Variants in RGS6 observed in about 807,000 individuals in gnomAD.
The protein encoded by RGS6 is regulator of G protein signaling 6, also known as regulator of G-protein signaling 6.
Under a neutral mutation model 78.5 loss-of-function variants are expected in RGS6, and 30 were observed. The observed-to-expected ratio is 0.38, with a 90% CI of 0.29 to 0.52. RGS6 has a LOEUF of 0.52. Among genes scored for constraint, RGS6 ranks in the 20% least tolerant of loss-of-function variants. The pLI is 0.85. For missense variants in RGS6, 495 were observed against 609.7 expected (o/e 0.81, Z 1.98); for synonymous variants, 206 against 206.0 (o/e 1.00, Z 0.00).
chr14:72,562,560 G>T lies in RGS6; in HGVS notation c.*93G>T. On this transcript the variant is annotated 3_prime_UTR_variant, in exon 18 of 18. Coordinates refer to ENST00000553525, the MANE Select transcript of RGS6 (RefSeq NM_001204424.2). ...TGCGGACAGAGTTTCCTTACGAGGA[G>T]ACTTGGTCACTGTGAAGGAGAAAGA... 6.3e-7 allele frequency: 1 copy of T among 1,577,802 alleles called. No individual in the cohort carries two copies.
intron 6 of RGS6, among the ~76,000 whole-genome samples, chr14:72,464,439 A>G (rs1220965958): frequency 6.6e-6 from 1 of 152,230 alleles, no homozygotes; most frequent in Non-Finnish European, 1.5e-5. Flanking sequence ...AAGTGTGGGC[A>G]TACCAGAGGG....
chr14:72,014,508 C>G (rs779627395), intron 2 of RGS6, among the ~76,000 whole-genome samples: 4 of 152,148 alleles, frequency 2.6e-5, no homozygotes, highest in Non-Finnish European at 4.4e-5. Context: ...GCATCAAGTG[C>G]AACAACTGAG....
chr14:72,202,373 G>A (rs958368412), intron 2 of RGS6, among the ~76,000 whole-genome samples: 7 of 152,094 alleles, frequency 4.6e-5, no homozygotes, highest in African/African-American at 1.7e-4. Flanking sequence ...GTGCATTTCA[G>A]AGAAGTTTCT....
At chr14:72,112,969 A>G (rs1279693495) in intron 2 of RGS6, among the ~76,000 whole-genome samples, 5 of 152,208 alleles carry the variant, frequency 3.3e-5, no homozygotes, top group Non-Finnish European at 7.3e-5. Flanking sequence ...CAGTTCTCTT[A>G]TGGGTTGTCC....
intron 2 of RGS6, among the ~76,000 whole-genome samples, chr14:72,311,717 A>G (rs2068668397): frequency 6.6e-6 from 1 of 152,332 alleles, no homozygotes. Flanking sequence ...AAAGTGCTCC[A>G]TTCATTGTCA....
At chr14:72,112,120 G>A (rs951804700) in intron 2 of RGS6, among the ~76,000 whole-genome samples, 4 of 152,186 alleles carry the variant, frequency 2.6e-5, no homozygotes, top group African/African-American at 9.7e-5. Context: ...CACATTAGCA[G>A]ATGGTGGCAT....
intron 2 of RGS6, among the ~76,000 whole-genome samples, chr14:72,288,830 T>C (rs2063059555): frequency 6.6e-6 from 1 of 152,176 alleles, no homozygotes; most frequent in African/African-American, 2.4e-5. Context: ...TCTCACCCTG[T>C]CAGAAACATC....
intron 3 of RGS6, among the ~76,000 whole-genome samples, chr14:72,386,256 G>C (rs1596554810): frequency 6.6e-6 from 1 of 152,094 alleles, no homozygotes; most frequent in Admixed American, 6.5e-5. Flanking sequence ...CTATTTGGGG[G>C]GCCGGGTGTG....
chr14:72,554,913 C>A (rs2097550227), intron 17 of RGS6, among the ~76,000 whole-genome samples: 1 of 152,218 alleles, frequency 6.6e-6, no homozygotes, highest in Non-Finnish European at 1.5e-5. Context: ...TCCCACCATC[C>A]CTACCCAGCT....
intron 2 of RGS6, among the ~76,000 whole-genome samples, chr14:72,016,434 C>T (rs2153233743): frequency 6.6e-6 from 1 of 152,128 alleles, no homozygotes; most frequent in East Asian, 1.9e-4. Context: ...GGCTTGATCT[C>T]AGCTCACTGC....
intron 2 of RGS6, among the ~76,000 whole-genome samples, chr14:72,213,399 C>T (rs903620556): frequency 4.6e-5 from 7 of 152,134 alleles, no homozygotes; most frequent in South Asian, 2.1e-4. Context: ...TCACCTATGA[C>T]GAGGCCAGAC....
rs567732771 is a variant in RGS6, at chr14:72,324,398, G to A, written c.85-27697G>A. Among the ~76,000 whole-genome samples, 30 of 152,046 alleles carry A rather than the reference G, an allele frequency of 2.0e-4. No individual in the cohort carries two copies. In the East Asian group the frequency reaches 5.6e-3, roughly 28 times the overall value. On this transcript the variant is annotated intron_variant, in intron 2 of 17. Transcript: ENST00000553525. The stretch of plus-strand genomic sequence containing the variant: ...TTAATTTAAGTTCTAGGGTACATGT[G>A]CACAACGTGCATGTTTGTTACATAT...
chr14:72,174,021 G>C (rs2097067336), intron 2 of RGS6, among the ~76,000 whole-genome samples: 2 of 152,256 alleles, frequency 1.3e-5, no homozygotes, highest in South Asian at 2.1e-4. Context: ...CGGTAAGGGG[G>C]CAAGAAGCTG....
At chr14:72,589,172 A>T in the RGS6 span, among the ~76,000 whole-genome samples, 1 of 127,980 alleles carries the variant, frequency 7.8e-6, no homozygotes, top group Admixed American at 8.0e-5. Context: ...ATCAGTGTTT[A>T]AAAAAAATAA....
intron 2 of RGS6, among the ~76,000 whole-genome samples, chr14:71,988,258 C>T (rs1411595645): frequency 6.6e-6 from 1 of 152,168 alleles, no homozygotes; most frequent in African/African-American, 2.4e-5. Context: ...CTGTCATTAA[C>T]TTCATTGCGT....
chr14:71,979,459 T>C (rs1216539996), intron 2 of RGS6, among the ~76,000 whole-genome samples: 2 of 151,892 alleles, frequency 1.3e-5, no homozygotes, highest in East Asian at 1.9e-4. Context: ...TTCTGGTATG[T>C]TGTGTCTTTG....
downstream of RGS6, among the ~76,000 whole-genome samples, chr14:72,568,859 G>A (rs778632850): frequency 6.6e-5 from 10 of 152,244 alleles, no homozygotes; most frequent in Non-Finnish European, 1.0e-4. Flanking sequence ...AAGGGAACAC[G>A]TGGACCTCCA....
At chr14:72,144,614 G>T (rs896809872) in intron 2 of RGS6, among the ~76,000 whole-genome samples, 6 of 152,152 alleles carry the variant, frequency 3.9e-5, no homozygotes, top group African/African-American at 1.4e-4. Flanking sequence ...AGAAGAAATG[G>T]TTCATCCACT....
At chr14:72,344,838 A>T (rs2077704914) in intron 2 of RGS6, among the ~76,000 whole-genome samples, 2 of 152,172 alleles carry the variant, frequency 1.3e-5, no homozygotes, top group Admixed American at 1.3e-4. Flanking sequence ...CCCTTTTAAG[A>T]GTATCATATA....
Sources: allele counts gnomAD v4.1 joint callset (sites outside exome capture counted in the v4.1 genomes callset), GRCh38; gene constraint gnomAD v4.1.1; transcripts MANE v1.5; gene names NCBI Gene and HGNC (gene_info 2026-07-23, HGNC 2026-07-21).